ZYG11B: variants seen among roughly 807,000 people sequenced by gnomAD.
ZYG11B encodes the protein protein zyg-11 homolog B.
In ZYG11B, 36 loss-of-function variants were observed where a neutral mutation model predicts 82.4. The observed-to-expected ratio is 0.44, with a 90% CI of 0.33 to 0.58. The LOEUF (loss-of-function observed/expected upper bound fraction) is 0.58, where lower values mean the gene tolerates loss of function less well. Ranked by LOEUF, ZYG11B falls within the 20% of genes least tolerant of loss-of-function variation. The pLI, the probability that ZYG11B is intolerant of heterozygous loss-of-function variation, is 0.02. For synonymous variants in ZYG11B, 303 were observed against 312.8 expected (o/e 0.97, Z 0.33); for missense variants, 552 against 895.6 (o/e 0.62, Z 4.90).
chr1:52,764,875 G>T (rs955919716), intron 2 of ZYG11B, among the ~76,000 whole-genome samples: 11 of 152,096 alleles, frequency 7.2e-5, no homozygotes, highest in Non-Finnish European at 1.2e-4. Flanking sequence ...GGGCTCCTCG[G>T]CACTGCCCAG....
In ZYG11B at chr1:52,823,777, GA is replaced by G. The variant is rs1473257678; in HGVS notation, c.*2152del. The G allele has an allele frequency of 6.6e-6, 1 of 152,146 alleles. No individual in the cohort carries two copies. The highest frequency in any genetic ancestry group is 1.5e-5 in the Non-Finnish European group (1 of 68,022). The allele number at this position is 152,146 out of a possible 1,614,324, so 9.4% of individuals were successfully genotyped here. On this transcript the variant is annotated 3_prime_UTR_variant, in exon 14 of 14. Transcript: ENST00000294353. ...TTTCAGAAATGGCTAAAAGTGTACA[GA>G]AAACAGTAAATCCCTTCTTTACTCA...
At position 52,764,874 on chromosome 1, in the gene ZYG11B, G is replaced by A. The variant is rs1184220860; in HGVS notation, c.197-6146G>A. On this transcript the variant is annotated intron_variant, in intron 2 of 13. Coordinates refer to ENST00000294353, the MANE Select transcript of ZYG11B (RefSeq NM_024646.3). ...TCAGTAACATAAAGGCGGGCTCCTC[G>A]GCACTGCCCAGGAGTTCTGGAGTAT... Among the ~76,000 whole-genome samples, 6 of 152,200 alleles carry A rather than the reference G, an allele frequency of 3.9e-5. 1 individual carries two copies. Among genetic ancestry groups the A allele is most frequent in the African/African-American group, 1.2e-4 (5 of 41,540 alleles).
At chr1:52,727,833 A>G (rs1644298071) in intron 1 of ZYG11B, among the ~76,000 whole-genome samples, 1 of 152,164 alleles carries the variant, frequency 6.6e-6, no homozygotes, top group South Asian at 2.1e-4. Flanking sequence ...TATTGAAAAC[A>G]TTGCTCCATC....
intron 13 of ZYG11B, among the ~76,000 whole-genome samples, chr1:52,820,221 A>G (rs993404299): frequency 6.6e-6 from 1 of 151,606 alleles, no homozygotes; most frequent in African/African-American, 2.4e-5. Context: ...GCCCCTGAAT[A>G]ATTTATTCTA....
At chr1:52,794,226 G>A (rs146028498) in intron 6 of ZYG11B, among the ~76,000 whole-genome samples, 2,657 of 151,996 alleles carry the variant, frequency 0.017, 88 homozygotes, top group African/African-American at 0.06. Context: ...CGCCCACCTC[G>A]GCCTCCCAAA....
rs770092920 is a variant in ZYG11B, at chr1:52,741,298, C to CAAAA, written c.30+14633_30+14636dup. Among the ~76,000 whole-genome samples the CAAAA allele has an allele frequency of 3.6e-4, 26 of 72,184 alleles. 1 individual carries two copies. The highest frequency in any genetic ancestry group is 0.011 in the Middle Eastern group (1 of 88). The allele number at this position is 72,184 out of a possible 152,430, so 47.4% of individuals were successfully genotyped here. A position where few individuals can be genotyped will look rare whatever the true frequency, so the allele number is the denominator to read the frequency against. ...GGGGCAAAAGAGTGAGACTTCGTCTCAAAAAAAAAAAAAAAAAAAAAGAAA... is the reference window on the plus strand; with the variant it reads ...GGGGCAAAAGAGTGAGACTTCGTCTCAAAAAAAAAAAAAAAAAAAAAAAAAGAAA... On this transcript the variant is annotated intron_variant, in intron 1 of 13. Transcript: ENST00000294353.
At chr1:52,813,991 T>C in intron 12 of ZYG11B, 79 bp downstream of exon 12, 2 of 1,388,244 alleles carry the variant, frequency 1.4e-6, no homozygotes, top group South Asian at 2.5e-5. Context: ...ACTAGATGCA[T>C]AATTTTTCCC....
chr1:52,798,376 G>T (rs889104006), intron 8 of ZYG11B, among the ~76,000 whole-genome samples: 21 of 152,204 alleles, frequency 1.4e-4, no homozygotes, highest in African/African-American at 5.1e-4. Flanking sequence ...CATTTTGGGA[G>T]GCCAAGGCAG....
At chr1:52,783,700 C>T (rs1003600685) in intron 4 of ZYG11B, among the ~76,000 whole-genome samples, 4 of 148,998 alleles carry the variant, frequency 2.7e-5, no homozygotes, top group African/African-American at 9.9e-5. Flanking sequence ...TGGCTCACTA[C>T]AGGCTCTGCC....
At chr1:52,757,730 G>A (rs1240389038) in intron 2 of ZYG11B, among the ~76,000 whole-genome samples, 1 of 151,748 alleles carries the variant, frequency 6.6e-6, no homozygotes, top group African/African-American at 2.4e-5. Flanking sequence ...GACAGTAGGA[G>A]GATTATTACT....
chr1:52,794,745 T>C (rs2149953400), intron 6 of ZYG11B, among the ~76,000 whole-genome samples: 1 of 152,322 alleles, frequency 6.6e-6, no homozygotes, highest in Non-Finnish European at 1.5e-5. Flanking sequence ...TCAGATGTAT[T>C]CCTTGACCTC....
chr1:52,782,546 A>G (rs1644865527), intron 4 of ZYG11B, among the ~76,000 whole-genome samples: 1 of 151,900 alleles, frequency 6.6e-6, no homozygotes, highest in African/African-American at 2.4e-5. Flanking sequence ...GTGCCATCAC[A>G]CCTGGCTAAT....
At chr1:52,770,113 A>G (rs1644737178) in intron 2 of ZYG11B, among the ~76,000 whole-genome samples, 1 of 137,748 alleles carries the variant, frequency 7.3e-6, no homozygotes, top group African/African-American at 2.6e-5. Context: ...TTTTTCAGAG[A>G]CAGGTTCTCA....
In ZYG11B at chr1:52,779,913, G is replaced by C. The variant is rs368978013; in HGVS notation, c.1012G>C (p.Ala338Pro). 9 of 1,614,196 alleles carry C rather than the reference G, an allele frequency of 5.6e-6. No individual in the cohort carries two copies. The Admixed American group carries it at 1.5e-4, about 27-fold the overall frequency. ...AEALKRYSER[A>P]FFVREALFHL... ...AGCACTGAAGCGTTACAGTGAACGG[G>C]CATTCTTTGTTCGGGAAGCTCTATT... The change falls in exon 4 of 14, where the codon GCA becomes CCA. Residue 338 changes from alanine (A) to proline (P), a missense_variant. Ala to Pro is a conservative substitution (Grantham distance 27). Coordinates refer to ENST00000294353, the MANE Select transcript of ZYG11B (RefSeq NM_024646.3).
At chr1:52,779,810 GAA>G (rs762753196) in intron 3 of ZYG11B, 41 bp from the exon 4 acceptor site, 1 of 1,609,244 alleles carries the variant, frequency 6.2e-7, no homozygotes, top group African/African-American at 1.3e-5. Flanking sequence ...ATTAGATAGA[GAA>G]AGAGAGAGAA....
intron 5 of ZYG11B, among the ~76,000 whole-genome samples, chr1:52,788,492 AAC>A (rs1354529949): frequency 6.6e-6 from 1 of 152,214 alleles, no homozygotes; most frequent in Admixed American, 6.5e-5. Flanking sequence ...CAGATACAGA[AAC>A]ACATAATGTA....
At chr1:52,760,700 C>T (rs1232926906) in intron 2 of ZYG11B, among the ~76,000 whole-genome samples, 3 of 151,300 alleles carry the variant, frequency 2.0e-5, no homozygotes, top group African/African-American at 7.3e-5. Context: ...TCAAGTTAGC[C>T]TCCTGCCTCA....
rs560048067 is a variant in ZYG11B at position 52,742,466 on chromosome 1, G to T, written c.31-13992G>T. ...GACCCTGTCTCTAAAAAAAATAAAA[G>T]ATAGAAAAAGAGATGTAAAAGAGAG... On this transcript the variant is annotated intron_variant, in intron 1 of 13. Transcript: ENST00000294353. 1.2e-3 allele frequency among the ~76,000 whole-genome samples: 186 copies of T among 151,670 alleles called. 4 individuals are homozygous for T. Among genetic ancestry groups the T allele is most frequent in the East Asian group, 1.9e-4 (1 of 5,142 alleles).
chr1:52,820,711 CT>C (rs201765797), intron 13 of ZYG11B, among the ~76,000 whole-genome samples: 1,826 of 57,614 alleles, frequency 0.032, 139 homozygotes, highest in African/African-American at 0.14. Context: ...ATGAGACTGT[CT>C]TTAAAAAAAA....
Sources: allele counts gnomAD v4.1 joint callset (sites outside exome capture counted in the v4.1 genomes callset), GRCh38; gene constraint gnomAD v4.1.1; transcripts MANE v1.5; gene names NCBI Gene and HGNC (gene_info 2026-07-23, HGNC 2026-07-21).